Variants in PPFIA2 observed in about 807,000 individuals in gnomAD.
PPFIA2 encodes the protein liprin-alpha-2.
In PPFIA2, 46 loss-of-function variants were observed where a neutral mutation model predicts 175.5. That is an observed-to-expected ratio of 0.26 (90% confidence interval 0.21 to 0.34). The LOEUF is 0.34. PPFIA2 is among the 10% of genes least tolerant of loss of function. The pLI is 1.00. For synonymous variants in PPFIA2, 568 were observed against 511.4 expected (o/e 1.11, Z -1.49); for missense variants, 1,179 against 1,506.1 (o/e 0.78, Z 3.60).
At chr12:81,449,023 C>A (rs537377937) in intron 5 of PPFIA2, among the ~76,000 whole-genome samples, 4 of 152,274 alleles carry the variant, frequency 2.6e-5, no homozygotes, top group African/African-American at 9.6e-5. Flanking sequence ...TACCTCTGAG[C>A]TAGGAGTAAT....
intron 4 of PPFIA2, among the ~76,000 whole-genome samples, chr12:81,673,138 G>A (rs1277002116): frequency 6.6e-6 from 1 of 151,944 alleles, no homozygotes. Context: ...CAGGGCAGGG[G>A]TTGTCTTAAA....
At chr12:81,628,965 G>C in intron 4 of PPFIA2, among the ~76,000 whole-genome samples, 1 of 152,082 alleles carries the variant, frequency 6.6e-6, no homozygotes, top group East Asian at 1.9e-4. Flanking sequence ...CCAATACAAT[G>C]GAGGAAAAGG....
At chr12:81,492,453 G>A (rs1399797224) in intron 4 of PPFIA2, among the ~76,000 whole-genome samples, 1 of 152,016 alleles carries the variant, frequency 6.6e-6, no homozygotes, top group African/African-American at 2.4e-5. Context: ...AATACAGAGT[G>A]TGTTACATGG....
intron 21 of PPFIA2, among the ~76,000 whole-genome samples, chr12:81,330,529 T>G (rs1445734779): frequency 6.6e-6 from 1 of 151,784 alleles, no homozygotes; most frequent in Non-Finnish European, 1.5e-5. Flanking sequence ...TATTTGGTAT[T>G]TAGGTCAACA....
intron 3 of PPFIA2, among the ~76,000 whole-genome samples, chr12:81,722,201 C>T (rs900475710): frequency 2.0e-5 from 3 of 150,974 alleles, no homozygotes; most frequent in African/African-American, 7.3e-5. Flanking sequence ...ATTCCTCAGT[C>T]TTCCCCAAGC....
intron 4 of PPFIA2, chr12:81,545,687 G>A (rs1295249193): frequency 6.6e-6 from 1 of 152,152 alleles, no homozygotes; most frequent in African/African-American, 2.4e-5. Context: ...TTCTGACAAC[G>A]GTGGGAAATG....
intron 3 of PPFIA2, among the ~76,000 whole-genome samples, chr12:81,701,915 T>TA (rs748051152): frequency 0.42 from 35,703 of 84,032 alleles, 6,144 homozygotes; most frequent in Middle Eastern, 0.57. Context: ...ATGGGAAGAC[T>TA]AAAAAAAAAA....
intron 4 of PPFIA2, among the ~76,000 whole-genome samples, chr12:81,518,277 C>T (rs1490708146): frequency 3.9e-5 from 6 of 152,088 alleles, no homozygotes; most frequent in Admixed American, 3.9e-4. Context: ...ATATCTCAGC[C>T]ATCTACTTTC....
chr12:81,730,695 A>G (rs1245281579), intron 3 of PPFIA2, among the ~76,000 whole-genome samples: 1 of 151,600 alleles, frequency 6.6e-6, no homozygotes, highest in Admixed American at 6.6e-5. Flanking sequence ...TCTGTCCTCA[A>G]ATGGAAAAGC....
At position 81,418,728 on chromosome 12, in the gene PPFIA2, A is replaced by G. The variant is rs76813561; in HGVS notation, c.646-12825T>C. Among the ~76,000 whole-genome samples, 11 of 152,096 alleles carry G rather than the reference A, an allele frequency of 7.2e-5. No individual in the cohort carries two copies. In the East Asian group the frequency reaches 1.9e-3, roughly 27 times the overall value. ...AAGGAAAAAAAAACTGTTCAAATGG[A>G]TACAGTTAAAGTCAGAACTATAACT... is the stretch of plus-strand genomic sequence containing the variant. On this transcript the variant is annotated intron_variant, in intron 7 of 32. Coordinates refer to ENST00000549396, the MANE Select transcript of PPFIA2 (RefSeq NM_003625.5).
intron 3 of PPFIA2, among the ~76,000 whole-genome samples, chr12:81,703,647 A>G (rs2076763120): frequency 1.3e-5 from 2 of 152,052 alleles, no homozygotes; most frequent in South Asian, 4.1e-4. Context: ...CTTTTGAAAT[A>G]AAGCCCAATT....
intron 4 of PPFIA2, among the ~76,000 whole-genome samples, chr12:81,524,553 A>G (rs2153266003): frequency 6.6e-6 from 1 of 152,246 alleles, no homozygotes; most frequent in East Asian, 1.9e-4. Flanking sequence ...GGAAGCACAT[A>G]ATTTGTTTTA....
Position 81,294,618 on chromosome 12 carries a change from AG to A in PPFIA2, c.2925+216del, listed in dbSNP as rs2046036702. 4 of 565,538 alleles carry A rather than the reference AG, an allele frequency of 7.1e-6. No individual in the cohort carries two copies. The Admixed American group carries it at 1.3e-4, about 18-fold the overall frequency. The allele number at this position is 565,538 out of a possible 1,614,324, so 35.0% of individuals were successfully genotyped here. A position where few individuals can be genotyped will look rare whatever the true frequency, so the allele number is the denominator to read the frequency against. On this transcript the variant is annotated intron_variant, in intron 24 of 32. Transcript: ENST00000549396. The stretch of plus-strand genomic sequence containing the variant: ...TCTAAACTTCAGATGCTAGCTCAAA[AG>A]TCTGCTATGCTAGCTTTCACGTCTG...
chr12:81,690,076 T>C (rs2075039947), intron 3 of PPFIA2, among the ~76,000 whole-genome samples: 1 of 152,102 alleles, frequency 6.6e-6, no homozygotes, highest in Admixed American at 6.6e-5. Context: ...GTAAACACAG[T>C]ACAGTACCAC....
chr12:81,330,618 G>A (rs1370834212), intron 21 of PPFIA2, among the ~76,000 whole-genome samples: 2 of 152,088 alleles, frequency 1.3e-5, no homozygotes, highest in African/African-American at 2.4e-5. Flanking sequence ...TGAGATACAA[G>A]TCTGTAGAAA....
intron 3 of PPFIA2, among the ~76,000 whole-genome samples, chr12:81,704,352 G>T (rs2076849679): frequency 6.6e-6 from 1 of 152,082 alleles, no homozygotes; most frequent in South Asian, 2.1e-4. Flanking sequence ...ACTGCCTGGT[G>T]TTATGAAGAA....
chr12:81,442,673 TG>T lies in PPFIA2; in HGVS notation c.571-2628del, dbSNP rs1345536378. The stretch of plus-strand genomic sequence containing the variant: ...ATGAATATTCTATGCTACAACTTGG[TG>T]GCTGTATAAATAATTGGACATTAAT... On this transcript the variant is annotated intron_variant, in intron 6 of 32. Coordinates refer to ENST00000549396, the MANE Select transcript of PPFIA2 (RefSeq NM_003625.5). Among the ~76,000 whole-genome samples, 7 of 150,670 alleles carry T rather than the reference TG, an allele frequency of 4.6e-5. No homozygotes were observed. The South Asian group carries it at 6.3e-4, about 14-fold the overall frequency.
chr12:81,422,130 ATATATATGTGTATATATATGTGTG>A (rs55975106), intron 7 of PPFIA2, among the ~76,000 whole-genome samples: 18,973 of 109,450 alleles, frequency 0.17, 1,634 homozygotes, highest in African/African-American at 0.26. Flanking sequence ...ATATGTGTGT[ATATATATGTGTATATATATGTGTG>A]TATATATATA....
chr12:81,594,653 T>G (rs540177056), intron 4 of PPFIA2, among the ~76,000 whole-genome samples: 1 of 152,216 alleles, frequency 6.6e-6, no homozygotes, highest in East Asian at 1.9e-4. Context: ...GGTGGCTCAC[T>G]CCTGTAATCC....
Sources: gnomAD v4.1 joint callset for allele counts (sites outside exome capture counted in the v4.1 genomes callset) on GRCh38, gnomAD v4.1.1 for gene constraint, MANE v1.5 for transcripts, NCBI Gene and HGNC (gene_info 2026-07-23, HGNC 2026-07-21) for gene names.